The following PCDHGA5 variants were observed in gnomAD, a reference collection of about 807,000 sequenced individuals.
The protein encoded by PCDHGA5 is protocadherin gamma-A5.
In PCDHGA5, 36 loss-of-function variants were observed where a neutral mutation model predicts 56.7. The ratio of observed to expected loss-of-function variants is 0.64; its 90% CI spans 0.49 to 0.84. The LOEUF (loss-of-function observed/expected upper bound fraction) is 0.84, where lower values mean the gene tolerates loss of function less well. Ranked by LOEUF, PCDHGA5 falls within the 40% of genes least tolerant of loss-of-function variation. The probability of loss-of-function intolerance (pLI) is 0.00; values close to 1 mark genes in which losing one functional copy is unlikely to be tolerated. For synonymous variants in PCDHGA5, 563 were observed against 520.2 expected, an observed-to-expected ratio of 1.08 and a Z score of -1.12; for missense variants, 1,305 against 1,201.5, an observed-to-expected ratio of 1.09 and a Z score of -1.27.
At chr5:141,443,713 A>G (rs774603084) in intron 1 of PCDHGA5, among the ~76,000 whole-genome samples, 19 of 152,246 alleles carry the variant, frequency 1.2e-4, no homozygotes, top group Admixed American at 8.5e-4. Flanking sequence ...ACATTTGCAT[A>G]TAAAATTCCT....
Position 141,431,141 on chromosome 5 carries a change from G to T in PCDHGA5, c.2422-63666G>T. 1.2e-6 allele frequency: 2 copies of T among 1,614,212 alleles called. No homozygotes were observed. Among genetic ancestry groups the T allele is most frequent in the South Asian group, 1.1e-5 (1 of 91,084 alleles). On this transcript the variant is annotated intron_variant, in intron 1 of 3. Coordinates refer to ENST00000518069, the MANE Select transcript of PCDHGA5 (RefSeq NM_018918.3). This position sits in a 1 kb window ranked among gnomAD's most constrained non-coding sequence, Gnocchi z 4.8. ...AGAAGTAGAAGTAAGGGACATTAACGACAATGCGCCTTACTTTCGTGAAAG... is the reference window on the plus strand; with the variant it reads ...AGAAGTAGAAGTAAGGGACATTAACTACAATGCGCCTTACTTTCGTGAAAG...
At chr5:141,475,600 T>A (rs1023916159) in intron 1 of PCDHGA5, among the ~76,000 whole-genome samples, 2 of 152,192 alleles carry the variant, frequency 1.3e-5, no homozygotes, top group Admixed American at 1.3e-4. Context: ...TTCCAGACAA[T>A]GTTGTGTAGT....
intron 1 of PCDHGA5, among the ~76,000 whole-genome samples, chr5:141,470,714 T>C (rs1416956410): frequency 1.3e-5 from 2 of 152,152 alleles, no homozygotes; most frequent in Non-Finnish European, 2.9e-5. Context: ...TTTTATTTTT[T>C]TGAGTCAGGG....
In PCDHGA5 at chr5:141,394,617, G is replaced by A. The variant is rs369651266; in HGVS notation, c.2421+27866G>A. The A allele has an allele frequency of 1.7e-5, 28 of 1,613,372 alleles. No individual in the cohort carries two copies. The Admixed American group carries it at 2.8e-4, about 16-fold the overall frequency. On this transcript the variant is annotated intron_variant, in intron 1 of 3. Coordinates refer to ENST00000518069, the MANE Select transcript of PCDHGA5 (RefSeq NM_018918.3). ...GGTGGACAGAGACTCGGGCCAGAAC[G>A]CCTGGCTGTCCTACCGCCTGCTCAA... is the stretch of plus-strand genomic sequence containing the variant.
chr5:141,396,611 C>T (rs1310113508), intron 1 of PCDHGA5: 1 of 150,986 alleles, frequency 6.6e-6, no homozygotes, highest in Non-Finnish European at 1.5e-5. Flanking sequence ...CAGGGTGAGA[C>T]TCCGTCTCAA....
rs758205179 is a variant in PCDHGA5 at position 141,477,813 on chromosome 5, A to G, written c.2422-16994A>G. ...ACTGATCGCAATGACAATGCCCCCC[A>G]GGTCCTATATCCTCGGCCAGGTGGG... On this transcript the variant is annotated intron_variant, in intron 1 of 3. Transcript: ENST00000518069. This position sits in a 1 kb window ranked among gnomAD's most constrained non-coding sequence, Gnocchi z 4.9. The G allele has an allele frequency of 8.1e-6, 13 of 1,614,002 alleles. No homozygotes were observed. The East Asian group carries it at 2.7e-4, about 33-fold the overall frequency.
chr5:141,437,794 G>A (rs1162440523), intron 1 of PCDHGA5, among the ~76,000 whole-genome samples: 3 of 150,526 alleles, frequency 2.0e-5, no homozygotes, highest in Non-Finnish European at 4.4e-5. Flanking sequence ...CTGGAGTGCA[G>A]TGGCACTATC....
intron 3 of PCDHGA5, chr5:141,507,166 GTCC>G (rs1475125845): frequency 6.6e-5 from 10 of 152,288 alleles, no homozygotes; most frequent in Non-Finnish European, 1.2e-4. Context: ...ATGAGAGGCT[GTCC>G]TCTTCCTCGA....
intron 1 of PCDHGA5, chr5:141,389,485 A>G (rs2091790696): frequency 1.2e-6 from 2 of 1,612,936 alleles, no homozygotes; most frequent in Non-Finnish European, 1.7e-6. Flanking sequence ...CAGGCCCGCG[A>G]CCAGGGCTCG....
rs751874380 is a variant in PCDHGA5 at position 141,486,055 on chromosome 5, C to A, written c.2422-8752C>A. ...CTGATCGTGTAAGAAACCTCTTTAG[C>A]CTGCACCCCACTACTGGAAAGCTTA... On this transcript the variant is annotated intron_variant, in intron 1 of 3. Transcript: ENST00000518069. The surrounding 1 kb of genome is among the most constrained non-coding windows in gnomAD (Gnocchi z 5.0). The A allele has an allele frequency of 6.2e-7, 1 of 1,614,170 alleles. No individual in the cohort carries two copies. Among genetic ancestry groups the A allele is most frequent in the South Asian group, 1.1e-5 (1 of 91,072 alleles).
chr5:141,430,715 A>G (rs1210053402), intron 1 of PCDHGA5: 3 of 1,483,264 alleles, frequency 2.0e-6, no homozygotes, highest in East Asian at 4.7e-5. Context: ...TCCTGACTTC[A>G]GTGGTTAAGG....
intron 1 of PCDHGA5, chr5:141,402,874 C>T: frequency 2.7e-6 from 4 of 1,460,728 alleles, no homozygotes; most frequent in South Asian, 1.5e-5. Flanking sequence ...GATCACCATA[C>T]TTTGCAGGGT....
chr5:141,389,553 G>A, intron 1 of PCDHGA5: 1 of 1,613,234 alleles, frequency 6.2e-7, no homozygotes, highest in South Asian at 1.1e-5. Context: ...CAACGACAAT[G>A]CGCCACGGGT....
intron 1 of PCDHGA5, chr5:141,375,207 ACT>A: frequency 3.7e-6 from 6 of 1,613,896 alleles, no homozygotes; most frequent in Non-Finnish European, 5.1e-6. Flanking sequence ...TTCGATCGAG[ACT>A]CTGGCCTGAA....
chr5:141,415,081 C>A, intron 1 of PCDHGA5: 2 of 1,613,522 alleles, frequency 1.2e-6, no homozygotes, highest in Non-Finnish European at 1.7e-6. Flanking sequence ...GGCGCGAGCC[C>A]TGCTGGACAG....
intron 1 of PCDHGA5, chr5:141,387,731 C>A (rs909205011): frequency 6.4e-6 from 8 of 1,254,262 alleles, no homozygotes; most frequent in East Asian, 2.5e-5. Flanking sequence ...CCAGCGCCAG[C>A]CTTTACACCG....
In PCDHGA5 at chr5:141,512,249, T is replaced by A. The variant is rs1159090773; in HGVS notation, c.*1076T>A. 6.6e-6 allele frequency: 1 copy of A among 152,598 alleles called. No individual in the cohort carries two copies. The allele number at this position is 152,598 out of a possible 1,614,324, so 9.5% of individuals were successfully genotyped here. On this transcript the variant is annotated 3_prime_UTR_variant, in exon 4 of 4. Coordinates refer to ENST00000518069, the MANE Select transcript of PCDHGA5 (RefSeq NM_018918.3). Reference sequence around the variant, plus strand: ...CCTTGAGAGGTCAGAGGGGCCTCTGTGGGTGCTGGGTACTCCAGAGGTGCC... The same window carrying A: ...CCTTGAGAGGTCAGAGGGGCCTCTGAGGGTGCTGGGTACTCCAGAGGTGCC...
rs1057108915 is a variant in PCDHGA5 at position 141,511,366 on chromosome 5, T to C, written c.*193T>C. The C allele has an allele frequency of 3.8e-6, 5 of 1,306,414 alleles. No individual in the cohort carries two copies. In the Admixed American group the frequency reaches 8.4e-5, roughly 22 times the overall value. The allele number at this position is 1,306,414 out of a possible 1,614,324, so 80.9% of individuals were successfully genotyped here. A position where few individuals can be genotyped will look rare whatever the true frequency, so the allele number is the denominator to read the frequency against. On this transcript the variant is annotated 3_prime_UTR_variant, in exon 4 of 4. Transcript: ENST00000518069. ...CCCTTCCCCCCCAGGGGGTTGAATA[T>C]GCAAAAGCAGTTCCGCTGGGAACCC...
At position 141,415,428 on chromosome 5, in the gene PCDHGA5, G is replaced by T. The variant is rs948747218; in HGVS notation, c.2421+48677G>T. 1.5e-5 allele frequency: 24 copies of T among 1,614,088 alleles called. No individual in the cohort carries two copies. In the Admixed American group the frequency reaches 1.7e-4, roughly 11 times the overall value. ...ACTTTGTGGGCGTGGACGGGGTTCG[G>T]GCTTTCCTGCAGACCTATTCCCACG... On this transcript the variant is annotated intron_variant, in intron 1 of 3. Transcript: ENST00000518069.
Sources: allele counts gnomAD v4.1 joint callset (sites outside exome capture counted in the v4.1 genomes callset), GRCh38; gene constraint gnomAD v4.1.1; non-coding constraint Gnocchi (gnomAD v3.1); transcripts MANE v1.5; gene names NCBI Gene and HGNC (gene_info 2026-07-23, HGNC 2026-07-21).